SMARCAL1: variants seen among roughly 807,000 people sequenced by gnomAD.
SMARCAL1 encodes the protein SNF2 related chromatin remodeling annealing helicase 1, also known as ATP-driven annealing helicase.
SMARCAL1 carries 58 observed loss-of-function variants against 94.5 expected under a neutral mutation model. That is an observed-to-expected ratio of 0.61 (90% CI 0.50 to 0.76). SMARCAL1 has a LOEUF of 0.76. SMARCAL1 is among the 30% of genes least tolerant of loss of function. SMARCAL1 has a pLI of 0.00. For synonymous variants in SMARCAL1, 422 were observed against 455.1 expected (o/e 0.93, Z 0.93); for missense variants, 1,051 against 1,177.9 (o/e 0.89, Z 1.58).
chr2:216,463,925 C>T (rs1694767616), intron 12 of SMARCAL1, among the ~76,000 whole-genome samples: 1 of 152,150 alleles, frequency 6.6e-6, no homozygotes. Context: ...GCCTGTAAGT[C>T]CCAGCTACTC....
At chr2:216,467,890 A>G (rs1694863752) in intron 13 of SMARCAL1, 54 bp from the exon 14 acceptor site, 3 of 1,096,528 alleles carry the variant, frequency 2.7e-6, no homozygotes. Flanking sequence ...CCAGAGACAC[A>G]TAAAACATAA....
intron 11 of SMARCAL1, among the ~76,000 whole-genome samples, chr2:216,450,347 G>A (rs1017907645): frequency 1.3e-5 from 2 of 152,182 alleles, no homozygotes; most frequent in African/African-American, 4.8e-5. Flanking sequence ...TTATTATATT[G>A]TACTTGTTTG....
chr2:216,428,871 AC>A, intron 7 of SMARCAL1, 89 bp downstream of exon 7: 1 of 1,199,914 alleles, frequency 8.3e-7, no homozygotes, highest in African/African-American at 1.5e-5. Flanking sequence ...TGTTTTATGA[AC>A]TTTTATTTAC....
chr2:216,478,112 G>A, intron 16 of SMARCAL1, 91 bp from the exon 17 acceptor site: 1 of 1,001,114 alleles, frequency 1.0e-6, no homozygotes, highest in Non-Finnish European at 1.6e-6. Context: ...ACAAGCCGTT[G>A]TCCCATAAGA....
chr2:216,478,117 A>T (rs924020598), intron 16 of SMARCAL1, 86 bp from the exon 17 acceptor site: 17 of 1,055,730 alleles, frequency 1.6e-5, no homozygotes, highest in Non-Finnish European at 2.5e-5. Context: ...CCGTTGTCCC[A>T]TAAGAACAAG....
intron 1 of SMARCAL1, among the ~76,000 whole-genome samples, chr2:216,413,399 C>A (rs957130223): frequency 6.6e-6 from 1 of 152,072 alleles, no homozygotes; most frequent in Non-Finnish European, 1.5e-5. Flanking sequence ...AATAAATGTT[C>A]CGGGTAAATT....
intron 12 of SMARCAL1, 103 bp from the exon 13 acceptor site, chr2:216,464,494 G>A (rs964403265): frequency 3.3e-5 from 29 of 874,408 alleles, no homozygotes; most frequent in Middle Eastern, 2.1e-4. Context: ...CTCTGGTGAC[G>A]GGTGGTTGAG....
chr2:216,458,761 G>A (rs2106065113), intron 12 of SMARCAL1, among the ~76,000 whole-genome samples: 1 of 152,284 alleles, frequency 6.6e-6, no homozygotes, highest in Admixed American at 6.5e-5. Flanking sequence ...CATTCCCTTT[G>A]AAAACTGGCA....
chr2:216,445,651 G>A (rs1207041028), intron 10 of SMARCAL1, among the ~76,000 whole-genome samples: 2 of 152,054 alleles, frequency 1.3e-5, no homozygotes, highest in African/African-American at 2.4e-5. Context: ...CAAGGCAAGC[G>A]ATGCTACCAA....
intron 4 of SMARCAL1, 65 bp from the exon 5 acceptor site, chr2:216,420,234 G>A (rs976022920): frequency 1.1e-4 from 149 of 1,330,232 alleles, no homozygotes; most frequent in Non-Finnish European, 1.5e-4. Context: ...TCCCTTGCCT[G>A]TATTTCAAAG....
Position 216,447,105 on chromosome 2 carries a change from ACTTT to A in SMARCAL1, c.1802_1805del (p.Phe601SerfsTer32). On this transcript the variant is annotated frameshift_variant, in exon 11 of 18. Transcript: ENST00000357276. LOFTEE classifies it high-confidence loss of function. Reference sequence around the variant, plus strand: ...CACGCAGATCATCGCAGTCAAGCCAACTTTCTTCCCCCAGTTTCATGCCTTTGGA... The same window carrying A: ...CACGCAGATCATCGCAGTCAAGCCAACTTCCCCCAGTTTCATGCCTTTGGA... 2 of 1,614,080 alleles carry A rather than the reference ACTTT, an allele frequency of 1.2e-6. No individual in the cohort carries two copies. Among genetic ancestry groups the A allele is most frequent in the African/African-American group, 2.7e-5 (2 of 75,022 alleles).
chr2:216,418,538 T>G (rs1693652474), intron 4 of SMARCAL1, among the ~76,000 whole-genome samples: 1 of 152,222 alleles, frequency 6.6e-6, no homozygotes, highest in South Asian at 2.1e-4. Flanking sequence ...CATATAAAAT[T>G]GTCTCTGTGT....
rs145815084 is a variant in SMARCAL1 at position 216,444,774 on chromosome 2, C to T, written c.1711-2244C>T. 7.6e-3 allele frequency among the ~76,000 whole-genome samples: 1,154 copies of T among 152,346 alleles called. 7 individuals carry two copies. The highest frequency in any genetic ancestry group is 0.021 in the South Asian group (100 of 4,826). On this transcript the variant is annotated intron_variant, in intron 10 of 17. Transcript: ENST00000357276. Reference sequence around the variant, plus strand: ...TCAGGTGATCCGCCTGCCTCAGCCTCCCAAAATGCTGAGATTGCAGGCGTG... The same window carrying T: ...TCAGGTGATCCGCCTGCCTCAGCCTTCCAAAATGCTGAGATTGCAGGCGTG...
intron 5 of SMARCAL1, among the ~76,000 whole-genome samples, chr2:216,422,939 C>T (rs1329701564): frequency 6.6e-6 from 1 of 152,198 alleles, no homozygotes; most frequent in African/African-American, 2.4e-5. Flanking sequence ...ATGTAATAAT[C>T]CCACTAACAA....
At chr2:216,425,911 C>A (rs996935311) in intron 6 of SMARCAL1, among the ~76,000 whole-genome samples, 41 of 152,210 alleles carry the variant, frequency 2.7e-4, no homozygotes, top group Non-Finnish European at 5.0e-4. Context: ...AGGTTTCAGT[C>A]TGTCTTTGGC....
chr2:216,471,421 A>G (rs1694964082), intron 14 of SMARCAL1, among the ~76,000 whole-genome samples: 1 of 151,544 alleles, frequency 6.6e-6, no homozygotes, highest in Non-Finnish European at 1.5e-5. Flanking sequence ...CAATGGTGCA[A>G]TCTCAGCTGA....
chr2:216,443,437 T>C (rs1205317420), intron 10 of SMARCAL1, among the ~76,000 whole-genome samples: 3 of 152,030 alleles, frequency 2.0e-5, no homozygotes, highest in Non-Finnish European at 4.4e-5. Flanking sequence ...TTTGATATAT[T>C]CTCATTATAA....
chr2:216,418,716 CT>C (rs1693654936), intron 4 of SMARCAL1, among the ~76,000 whole-genome samples: 1 of 152,108 alleles, frequency 6.6e-6, no homozygotes, highest in Non-Finnish European at 1.5e-5. Context: ...TCCCTCCAGC[CT>C]TTTTTCTATG....
At chr2:216,478,397 C>T in intron 17 of SMARCAL1, 98 bp downstream of exon 17, 1 of 888,430 alleles carries the variant, frequency 1.1e-6, no homozygotes, top group South Asian at 1.3e-5. Context: ...TGAATCACTC[C>T]TAGGGACCTC....
Sources: allele counts gnomAD v4.1 joint callset (sites outside exome capture counted in the v4.1 genomes callset), GRCh38; gene constraint gnomAD v4.1.1; transcripts MANE v1.5; gene names NCBI Gene and HGNC (gene_info 2026-07-23, HGNC 2026-07-21).